RTN3: variants seen among roughly 807,000 people sequenced by gnomAD.
RTN3 encodes reticulon-3.
In RTN3, 49 loss-of-function variants were observed where a neutral mutation model predicts 77.8. The ratio of observed to expected loss-of-function variants is 0.63; its 90% confidence interval spans 0.50 to 0.80. The LOEUF is 0.80. Ranked by LOEUF, RTN3 falls within the 30% of genes least tolerant of loss-of-function variation. The probability of loss-of-function intolerance (pLI) is 0.00; values close to 1 mark genes in which losing one functional copy is unlikely to be tolerated. For missense variants in RTN3, 1,236 were observed against 1,211.9 expected (o/e 1.02, Z -0.29); for synonymous variants, 464 against 446.9 (o/e 1.04, Z -0.48).
intron 2 of RTN3, among the ~76,000 whole-genome samples, chr11:63,715,824 G>A (rs938018779): frequency 6.6e-6 from 1 of 152,186 alleles, no homozygotes; most frequent in Admixed American, 6.5e-5. Context: ...TGACTAGTAA[G>A]TTCAGTAACA....
intron 2 of RTN3, among the ~76,000 whole-genome samples, chr11:63,711,961 T>G (rs962570950): frequency 6.6e-6 from 1 of 152,096 alleles, no homozygotes; most frequent in African/African-American, 2.4e-5. Flanking sequence ...CCTCCCAGAG[T>G]GTTGACATTA....
At chr11:63,752,409 A>G in intron 4 of RTN3, 98 bp from the exon 5 acceptor site, 2 of 1,182,920 alleles carry the variant, frequency 1.7e-6, no homozygotes, top group East Asian at 2.3e-5. Flanking sequence ...AGGTTCTAAC[A>G]TGCACCCTGG....
At chr11:63,744,279 G>A (rs1590878678) in intron 3 of RTN3, among the ~76,000 whole-genome samples, 2 of 139,902 alleles carry the variant, frequency 1.4e-5, no homozygotes, top group African/African-American at 2.6e-5. Context: ...GGGAAAGGAA[G>A]GAAAGATAAC....
intron 2 of RTN3, among the ~76,000 whole-genome samples, chr11:63,709,277 G>T (rs1021032038): frequency 6.6e-6 from 1 of 152,166 alleles, no homozygotes; most frequent in Admixed American, 6.6e-5. Flanking sequence ...ATATAATTTA[G>T]TATCATCTGG....
In RTN3 at chr11:63,720,187, C is replaced by T. The variant is rs79008295; in HGVS notation, c.1685C>T (p.Ser562Phe). 1.2e-6 allele frequency: 2 copies of T among 1,614,092 alleles called. No homozygotes were observed. The highest frequency in any genetic ancestry group is 1.7e-6 in the Non-Finnish European group (2 of 1,180,016). ...SKNFEELVSDSELHQDQPDIL... is the reference protein window; with the variant it reads ...SKNFEELVSDFELHQDQPDIL... ...AACTTTGAAGAATTGGTCAGTGACT[C>T]TGAGCTGCATCAAGATCAGCCTGAT... The change falls in exon 3 of 9, where the codon TCT becomes TTT. Residue 562 changes from serine to phenylalanine, a missense_variant. Physicochemically the swap from Ser to Phe is radical, Grantham distance 155. Transcript: ENST00000377819.
chr11:63,733,783 C>T (rs755684627), intron 3 of RTN3, among the ~76,000 whole-genome samples: 3 of 148,534 alleles, frequency 2.0e-5, no homozygotes, highest in East Asian at 2.0e-4. Flanking sequence ...CCCAGCTACT[C>T]GGGAGGCTGA....
chr11:63,737,062 G>A (rs1305298663), intron 3 of RTN3, among the ~76,000 whole-genome samples: 1 of 150,874 alleles, frequency 6.6e-6, no homozygotes, highest in Non-Finnish European at 1.5e-5. Flanking sequence ...GCTGCCTCCT[G>A]GGCTCAAGGG....
At chr11:63,694,223 C>T (rs1246353720) in intron 1 of RTN3, among the ~76,000 whole-genome samples, 2 of 151,914 alleles carry the variant, frequency 1.3e-5, no homozygotes, top group Admixed American at 1.3e-4. Context: ...GTTGCCCAGG[C>T]TGGAGTGCAA....
chr11:63,720,797 C>T lies in RTN3; in HGVS notation c.2295C>T (p.Asp765=), dbSNP rs764645729. The change falls in exon 3 of 9, where the codon GAC becomes GAT. Residue 765 remains aspartate (D), a synonymous_variant. Transcript: ENST00000377819. ...QVEKSTSAQR[D]AELPSEEVLK... is the part of the protein sequence containing the mutation. Reference sequence around the variant, plus strand: ...AGAAGTCAACTTCTGCACAGCGTGACGCAGAATTGCCTTCTGAAGAAGTAC... The same window carrying T: ...AGAAGTCAACTTCTGCACAGCGTGATGCAGAATTGCCTTCTGAAGAAGTAC... The T allele has an allele frequency of 2.6e-5, 42 of 1,613,826 alleles. No homozygotes were observed. The highest frequency in any genetic ancestry group is 1.6e-4 in the Middle Eastern group (1 of 6,084).
intron 4 of RTN3, among the ~76,000 whole-genome samples, chr11:63,751,887 GA>G (rs918761312): frequency 6.6e-6 from 1 of 152,064 alleles, no homozygotes; most frequent in Non-Finnish European, 1.5e-5. Context: ...AGCTATTCAG[GA>G]GGCTGAGGCA....
rs549546201 is a variant in RTN3 at position 63,730,554 on chromosome 11, G to A, written c.2530+9522G>A. On this transcript the variant is annotated intron_variant, in intron 3 of 8. Coordinates refer to ENST00000377819, the MANE Select transcript of RTN3 (RefSeq NM_001265589.2). Reference sequence around the variant, plus strand: ...AACCCCAACATTTTGGGAGGCCAAGGTGAGAAGATCACTTGAGACTAGTTT... The same window carrying A: ...AACCCCAACATTTTGGGAGGCCAAGATGAGAAGATCACTTGAGACTAGTTT... 5.9e-5 allele frequency among the ~76,000 whole-genome samples: 9 copies of A among 152,340 alleles called. No homozygotes were observed. In the South Asian group the frequency reaches 1.2e-3, roughly 21 times the overall value.
chr11:63,742,927 T>C (rs518692), intron 3 of RTN3, among the ~76,000 whole-genome samples: 19,321 of 152,122 alleles, frequency 0.13, 1,324 homozygotes, highest in South Asian at 0.16. Flanking sequence ...GTCACTCAGG[T>C]TGGAGTGCAG....
chr11:63,698,195 C>T (rs1185877254), intron 1 of RTN3, among the ~76,000 whole-genome samples: 1 of 151,944 alleles, frequency 6.6e-6, no homozygotes, highest in Admixed American at 6.6e-5. Context: ...TCAATCTCAG[C>T]TCACTGCCAC....
intron 2 of RTN3, among the ~76,000 whole-genome samples, chr11:63,715,607 G>A (rs1401543796): frequency 1.3e-5 from 2 of 152,034 alleles, no homozygotes; most frequent in Non-Finnish European, 1.5e-5. Context: ...GCAGTGAGCC[G>A]AGATTGCACC....
chr11:63,702,063 T>C (rs1044397107), intron 1 of RTN3, among the ~76,000 whole-genome samples: 4 of 152,226 alleles, frequency 2.6e-5, no homozygotes, highest in African/African-American at 7.2e-5. Context: ...TTAGTACTTA[T>C]AGCTATAGCC....
Position 63,730,879 on chromosome 11 carries a change from T to A in RTN3, c.2530+9847T>A, listed in dbSNP as rs927513194. Among the ~76,000 whole-genome samples the A allele has an allele frequency of 4.6e-5, 7 of 152,102 alleles. No individual in the cohort carries two copies. In the South Asian group the frequency reaches 1.2e-3, roughly 27 times the overall value. On this transcript the variant is annotated intron_variant, in intron 3 of 8. Coordinates refer to ENST00000377819, the MANE Select transcript of RTN3 (RefSeq NM_001265589.2). ...TGTAATAATTGGAAAATTTAATACC[T>A]CTTTCTCAGCAATTAACTAGACACA...
At chr11:63,700,489 G>A (rs373557417) in intron 1 of RTN3, among the ~76,000 whole-genome samples, 2 of 150,286 alleles carry the variant, frequency 1.3e-5, no homozygotes, top group African/African-American at 4.9e-5. Flanking sequence ...TCACCATGTT[G>A]CCCAGGCTGG....
intron 3 of RTN3, among the ~76,000 whole-genome samples, chr11:63,731,300 G>A (rs936525428): frequency 1.3e-5 from 2 of 152,010 alleles, no homozygotes; most frequent in Non-Finnish European, 2.9e-5. Context: ...GGTTGGTCTC[G>A]AACTCCCAAC....
chr11:63,698,071 C>G (rs1435920055), intron 1 of RTN3, among the ~76,000 whole-genome samples: 1 of 152,050 alleles, frequency 6.6e-6, no homozygotes, highest in African/African-American at 2.4e-5. Context: ...GTTCCCTCCC[C>G]CTCTACCACT....
Sources: allele counts gnomAD v4.1 joint callset (sites outside exome capture counted in the v4.1 genomes callset), GRCh38; gene constraint gnomAD v4.1.1; transcripts MANE v1.5; gene names NCBI Gene and HGNC (gene_info 2026-07-23, HGNC 2026-07-21).